SHISA9: variants seen among roughly 807,000 people sequenced by gnomAD.
SHISA9 encodes the protein protein shisa-9.
A neutral mutation model predicts 38.0 loss-of-function variants in SHISA9; 13 were observed. That is an observed-to-expected ratio of 0.34 (90% confidence interval 0.22 to 0.54). SHISA9 has a LOEUF of 0.54. Ranked by LOEUF, SHISA9 falls within the 20% of genes least tolerant of loss-of-function variation. SHISA9 has a pLI of 0.91. For synonymous variants in SHISA9, 275 were observed against 242.0 expected (o/e 1.14, Z -1.27); for missense variants, 538 against 575.8 (o/e 0.93, Z 0.67).
chr16:13,357,772 G>C, the SHISA9 span, among the ~76,000 whole-genome samples: 1 of 151,654 alleles, frequency 6.6e-6, no homozygotes, highest in East Asian at 1.9e-4. Flanking sequence ...GGGTAGGAGT[G>C]GGGGTCGCAA....
the SHISA9 span, among the ~76,000 whole-genome samples, chr16:13,426,227 G>A: frequency 4.6e-5 from 7 of 152,168 alleles, no homozygotes; most frequent in African/African-American, 1.7e-4. Context: ...CTTGCGAAGT[G>A]TTTTATATGT....
chr16:13,068,358 T>C (rs2073458868), intron 2 of SHISA9, among the ~76,000 whole-genome samples: 1 of 152,244 alleles, frequency 6.6e-6, no homozygotes, highest in Non-Finnish European at 1.5e-5. Context: ...ACTATTTTTC[T>C]ATGGGTTTGT....
At chr16:13,479,262 T>G in the SHISA9 span, among the ~76,000 whole-genome samples, 69 of 152,276 alleles carry the variant, frequency 4.5e-4, no homozygotes, top group Non-Finnish European at 9.1e-4. Context: ...TCCAAGATAA[T>G]CTCCCTGTCT....
intron 2 of SHISA9, among the ~76,000 whole-genome samples, chr16:13,141,793 A>G (rs958231889): frequency 2.6e-5 from 4 of 152,366 alleles, no homozygotes; most frequent in Admixed American, 6.5e-5. Context: ...AAGTCTTTCA[A>G]TTAAGTAGTC....
chr16:13,228,933 G>C (rs923440270), intron 4 of SHISA9, among the ~76,000 whole-genome samples: 4 of 152,116 alleles, frequency 2.6e-5, no homozygotes, highest in Non-Finnish European at 5.9e-5. Context: ...GGCCAAGGTG[G>C]GTGGATCACT....
intron 2 of SHISA9, among the ~76,000 whole-genome samples, chr16:12,982,506 C>T (rs1425844459): frequency 6.6e-6 from 1 of 152,168 alleles, no homozygotes; most frequent in Non-Finnish European, 1.5e-5. Context: ...CATTTTCTGG[C>T]ATTCTCCTTT....
chr16:13,262,658 A>AAGGAAGGGAGGG, the SHISA9 span, among the ~76,000 whole-genome samples: 3,326 of 51,102 alleles, frequency 0.065, 87 homozygotes, highest in African/African-American at 0.096. Context: ...GGAAGGAAGG[A>AAGGAAGGGAGGG]AGGAAGGAAG....
At chr16:13,092,598 A>G (rs541902367) in intron 2 of SHISA9, among the ~76,000 whole-genome samples, 2 of 152,236 alleles carry the variant, frequency 1.3e-5, no homozygotes, top group African/African-American at 2.4e-5. Context: ...AGCATTGAGC[A>G]AGGCTCCATG....
chr16:13,328,621 CACACACACACACACATAT>C, the SHISA9 span, among the ~76,000 whole-genome samples: 3 of 148,412 alleles, frequency 2.0e-5, no homozygotes, highest in Non-Finnish European at 4.4e-5. Flanking sequence ...CACACACACA[CACACACACACACACATAT>C]ATATTGTATT....
intron 2 of SHISA9, among the ~76,000 whole-genome samples, chr16:13,000,526 T>G (rs564318138): frequency 6.6e-6 from 1 of 152,168 alleles, no homozygotes. Context: ...CTACTGCAGA[T>G]TGGGAGGAGT....
At chr16:12,919,970 C>T (rs1012887272) in intron 2 of SHISA9, among the ~76,000 whole-genome samples, 1 of 152,120 alleles carries the variant, frequency 6.6e-6, no homozygotes, top group Admixed American at 6.5e-5. Context: ...ATGAACATAC[C>T]CTACCTCCTG....
the SHISA9 span, among the ~76,000 whole-genome samples, chr16:13,287,929 C>T: frequency 1.3e-5 from 2 of 152,052 alleles, no homozygotes; most frequent in African/African-American, 2.4e-5. Flanking sequence ...GTTGAAGCCC[C>T]TTCGCTAATG....
At chr16:13,098,535 G>A (rs976376718) in intron 2 of SHISA9, among the ~76,000 whole-genome samples, 3 of 152,172 alleles carry the variant, frequency 2.0e-5, no homozygotes, top group Admixed American at 1.3e-4. Context: ...TGAGAAAGGG[G>A]GGAGGTTCTC....
chr16:13,329,097 C>T, the SHISA9 span, among the ~76,000 whole-genome samples: 1 of 152,068 alleles, frequency 6.6e-6, no homozygotes, highest in African/African-American at 2.4e-5. Context: ...AAGGAGAAGA[C>T]AACATGACGC....
chr16:13,453,602 C>A, the SHISA9 span, among the ~76,000 whole-genome samples: 2 of 152,256 alleles, frequency 1.3e-5, no homozygotes, highest in Admixed American at 1.3e-4. Context: ...AGCCCCCAGA[C>A]AACCCTCCAG....
the SHISA9 span, among the ~76,000 whole-genome samples, chr16:13,387,815 C>A: frequency 8.5e-4 from 130 of 152,226 alleles, no homozygotes; most frequent in Non-Finnish European, 1.3e-3. Context: ...TGCATTTTCA[C>A]TGATGAAAAT....
the SHISA9 span, among the ~76,000 whole-genome samples, chr16:13,523,942 A>G: frequency 6.6e-6 from 1 of 152,218 alleles, no homozygotes; most frequent in Non-Finnish European, 1.5e-5. Flanking sequence ...TATTAAGAGG[A>G]AAGTACTACT....
chr16:13,442,643 C>T, the SHISA9 span, among the ~76,000 whole-genome samples: 2 of 152,084 alleles, frequency 1.3e-5, no homozygotes, highest in Non-Finnish European at 2.9e-5. Flanking sequence ...TAATATTGTA[C>T]TTCAGATTTT....
the SHISA9 span, among the ~76,000 whole-genome samples, chr16:13,256,266 T>C: frequency 1.4e-5 from 1 of 71,658 alleles, no homozygotes; most frequent in Admixed American, 1.8e-4. Context: ...TTACAGCATA[T>C]TGTATATGTG....
Sources: gnomAD v4.1 joint callset for allele counts (sites outside exome capture counted in the v4.1 genomes callset) on GRCh38, gnomAD v4.1.1 for gene constraint, MANE v1.5 for transcripts, NCBI Gene and HGNC (gene_info 2026-07-23, HGNC 2026-07-21) for gene names.